The following KCTD4 variants were observed in gnomAD, a reference collection of about 807,000 sequenced individuals.
The protein encoded by KCTD4 is potassium channel tetramerization domain containing 4.
A neutral mutation model predicts 18.3 loss-of-function variants in KCTD4; 12 were observed. The ratio of observed to expected loss-of-function variants is 0.66; its 90% CI spans 0.42 to 1.06. The LOEUF is 1.06. Ranked by LOEUF, KCTD4 falls within the 50% of genes least tolerant of loss-of-function variation. The pLI, the probability that KCTD4 is intolerant of heterozygous loss-of-function variation, is 0.00. For synonymous variants in KCTD4, 124 were observed against 110.5 expected (o/e 1.12, Z -0.76); for missense variants, 250 against 303.4 (o/e 0.82, Z 1.31).
rs1256778698 is a variant in KCTD4 at position 45,193,909 on chromosome 13, A to C, written c.659T>G (p.Leu220Trp). The C allele has an allele frequency of 1.2e-6, 2 of 1,614,178 alleles. No individual in the cohort carries two copies. Among genetic ancestry groups the C allele is most frequent in the Admixed American group, 3.3e-5 (2 of 60,016 alleles). The change falls in exon 2 of 2, where the codon TTG (leucine) becomes TGG (tryptophan). Residue 220 changes from leucine (L) to tryptophan (W), a missense_variant. Transcript: ENST00000379108. The stretch of plus-strand genomic sequence containing the variant: ...GATAGCCTCAAACTTAAGAGTTTCC[A>C]AGGTACAGACAAAGGTGTTGTCTTC... Reference protein sequence around the residue: ...LKEDNTFVCTLETLKFEAIMM... With the variant: ...LKEDNTFVCTWETLKFEAIMM...
chr13:45,197,720 G>A (rs1029897745), intron 1 of KCTD4, among the ~76,000 whole-genome samples: 5 of 152,088 alleles, frequency 3.3e-5, no homozygotes, highest in Non-Finnish European at 7.4e-5. Context: ...AGGGGGTGGC[G>A]AGTGGGTGTT....
intron 1 of KCTD4, among the ~76,000 whole-genome samples, chr13:45,200,190 A>C (rs1210062992): frequency 1.3e-5 from 2 of 152,206 alleles, no homozygotes; most frequent in Non-Finnish European, 2.9e-5. Flanking sequence ...TTCCCTCCGT[A>C]TCACAAGAAA....
chr13:45,194,292 G>A lies in KCTD4; in HGVS notation c.276C>T (p.Phe92=), dbSNP rs1387678902. ...DGLLFRHVLN[F]LRNGELLLPE... ...GCAATAGAAGTTCTCCATTTCGTAG[G>A]AAGTTTAGGACATGCCTGAAGAGGA... is the stretch of plus-strand genomic sequence containing the variant. Residue 92 remains phenylalanine (F), a synonymous_variant, in exon 2 of 2, where the codon TTC becomes TTT. Transcript: ENST00000379108. 1 of 1,614,012 alleles carries A rather than the reference G, an allele frequency of 6.2e-7. No homozygotes were observed. The highest frequency in any genetic ancestry group is 1.3e-5 in the African/African-American group (1 of 74,926).
chr13:45,199,347 G>A (rs1204838422), intron 1 of KCTD4, among the ~76,000 whole-genome samples: 1 of 152,176 alleles, frequency 6.6e-6, no homozygotes, highest in Admixed American at 6.5e-5. Context: ...CAGAAGTTCA[G>A]GTGAAATTCC....
chr13:45,195,948 G>T (rs181880050), intron 1 of KCTD4, among the ~76,000 whole-genome samples: 2 of 152,230 alleles, frequency 1.3e-5, no homozygotes, highest in African/African-American at 4.8e-5. Flanking sequence ...GAGCTACTGC[G>T]CTGGGCCACA....
chr13:45,194,221 A>T lies in KCTD4; in HGVS notation c.347T>A (p.Phe116Tyr). ...ENQLLAQEAE[F>Y]FQLKGLAEEV... ...CTCTGCCAGTCCCTTGAGCTGAAAGAATTCTGCTTCTTGTGCAAGAAGTTG... is the reference window on the plus strand; with the variant it reads ...CTCTGCCAGTCCCTTGAGCTGAAAGTATTCTGCTTCTTGTGCAAGAAGTTG... The change falls in exon 2 of 2, where the codon TTC (phenylalanine) becomes TAC (tyrosine). Residue 116 changes from phenylalanine (F) to tyrosine (Y), a missense_variant. Transcript: ENST00000379108. The T allele has an allele frequency of 6.2e-7, 1 of 1,614,106 alleles. No homozygotes were observed. Among genetic ancestry groups the T allele is most frequent in the Non-Finnish European group, 8.5e-7 (1 of 1,180,002 alleles).
chr13:45,197,267 C>T (rs375445744), intron 1 of KCTD4, among the ~76,000 whole-genome samples: 56 of 150,534 alleles, frequency 3.7e-4, no homozygotes, highest in African/African-American at 1.2e-3. Context: ...GAGGCTGAGG[C>T]GGGCAGGTCA....
chr13:45,194,301 G>C lies in KCTD4; in HGVS notation c.267C>G (p.Val89=). 6.2e-7 allele frequency: 1 copy of C among 1,614,118 alleles called. No homozygotes were observed. ...IDRDGLLFRH[V]LNFLRNGELL... ...GTTCTCCATTTCGTAGGAAGTTTAG[G>C]ACATGCCTGAAGAGGAGACCATCCC... The change falls in exon 2 of 2, where the codon GTC becomes GTG. Residue 89 remains valine (V), a synonymous_variant. Coordinates refer to ENST00000379108, the MANE Select transcript of KCTD4 (RefSeq NM_198404.3).
intron 1 of KCTD4, among the ~76,000 whole-genome samples, chr13:45,200,394 C>T (rs1415738438): frequency 1.3e-5 from 2 of 150,726 alleles, no homozygotes; most frequent in Non-Finnish European, 3.0e-5. Flanking sequence ...ACCTCAACCT[C>T]CTGGGCTCAG....
At chr13:45,199,737 AG>A (rs1040595070) in intron 1 of KCTD4, among the ~76,000 whole-genome samples, 10 of 152,236 alleles carry the variant, frequency 6.6e-5, no homozygotes, top group African/African-American at 2.4e-4. Flanking sequence ...CTCAAAATGA[AG>A]GGCATAACTT....
In KCTD4 at chr13:45,193,532, C is replaced by T. The variant is rs1872737062; in HGVS notation, c.*256G>A. On this transcript the variant is annotated 3_prime_UTR_variant, in exon 2 of 2. Transcript: ENST00000379108. ...CTTAAGGACAAATAAATAGCAAAAG[C>T]TTTCAGTCTTTATTTACAGTATATA... 1 of 364,734 alleles carries T rather than the reference C, an allele frequency of 2.7e-6. No individual in the cohort carries two copies. The highest frequency in any genetic ancestry group is 4.9e-6 in the Non-Finnish European group (1 of 203,620). The allele number at this position is 364,734 out of a possible 1,614,324, so 22.6% of individuals were successfully genotyped here. A position where few individuals can be genotyped will look rare whatever the true frequency, so the allele number is the denominator to read the frequency against.
rs1024498772 is a variant in KCTD4 at position 45,193,505 on chromosome 13, A to T, written c.*283T>A. Reference sequence around the variant, plus strand: ...CCCAAGACAATCTGAATTGAAAGACAGCTTAAGGACAAATAAATAGCAAAA... The same window carrying T: ...CCCAAGACAATCTGAATTGAAAGACTGCTTAAGGACAAATAAATAGCAAAA... On this transcript the variant is annotated 3_prime_UTR_variant, in exon 2 of 2. Coordinates refer to ENST00000379108, the MANE Select transcript of KCTD4 (RefSeq NM_198404.3). 6 of 301,662 alleles carry T rather than the reference A, an allele frequency of 2.0e-5. No homozygotes were observed. The South Asian group carries it at 6.7e-4, about 34-fold the overall frequency. The allele number at this position is 301,662 out of a possible 1,614,324, so 18.7% of individuals were successfully genotyped here.
At chr13:45,198,359 A>C (rs1031445526) in intron 1 of KCTD4, among the ~76,000 whole-genome samples, 2 of 152,222 alleles carry the variant, frequency 1.3e-5, no homozygotes, top group African/African-American at 4.8e-5. Flanking sequence ...ATGCCATGGA[A>C]GGAAGTGAAA....
At position 45,194,278 on chromosome 13, in the gene KCTD4, TC is replaced by T; in HGVS notation, c.289del (p.Glu97AsnfsTer30). 1 of 1,614,156 alleles carries T rather than the reference TC, an allele frequency of 6.2e-7. No individual in the cohort carries two copies. The highest frequency in any genetic ancestry group is 2.2e-5 in the East Asian group (1 of 44,870). On this transcript the variant is annotated frameshift_variant, in exon 2 of 2. Transcript: ENST00000379108. LOFTEE classifies it high-confidence loss of function. ...RHVLNFLRNG[E>X]LLLPEGFREN... is the part of the protein sequence containing the mutation. ...TCGAAACCCTTCGGGCAATAGAAGT[TC>T]TCCATTTCGTAGGAAGTTTAGGACA... is the stretch of plus-strand genomic sequence containing the variant.
intron 1 of KCTD4, among the ~76,000 whole-genome samples, chr13:45,196,501 C>T (rs1872898183): frequency 6.6e-6 from 1 of 152,168 alleles, no homozygotes; most frequent in Non-Finnish European, 1.5e-5. Context: ...TCTGGAAGTA[C>T]ATTCATGGAA....
Position 45,200,854 on chromosome 13 carries a change from T to A in KCTD4, c.-218A>T, listed in dbSNP as rs1873147678. On this transcript the variant is annotated 5_prime_UTR_variant, in exon 1 of 2. It adds an upstream start codon to the 5' untranslated region. Coordinates refer to ENST00000379108, the MANE Select transcript of KCTD4 (RefSeq NM_198404.3). ...TCTTGAAAAGATTATTTCTTCAGTCTTTTCCCAGAGAGTGTCGACACAGGT... is the reference window on the plus strand; with the variant it reads ...TCTTGAAAAGATTATTTCTTCAGTCATTTCCCAGAGAGTGTCGACACAGGT... Among the ~76,000 whole-genome samples, 1 of 152,090 alleles carries A rather than the reference T, an allele frequency of 6.6e-6. No individual in the cohort carries two copies. Among genetic ancestry groups the A allele is most frequent in the African/African-American group, 2.4e-5 (1 of 41,454 alleles).
chr13:45,193,974 G>C lies in KCTD4; in HGVS notation c.594C>G (p.Tyr198Ter). 6.2e-7 allele frequency: 1 copy of C among 1,614,044 alleles called. No individual in the cohort carries two copies. The highest frequency in any genetic ancestry group is 8.5e-7 in the Non-Finnish European group (1 of 1,179,940). The part of the protein sequence containing the change: ...SISSNIIQFK[Y>*]FIKSENGTRL... The stretch of plus-strand genomic sequence containing the variant: ...GAGTGCCATTTTCAGACTTTATGAA[G>C]TATTTAAATTGGATGATATTTGACG... Residue 198 changes from tyrosine (Y) to a stop codon, truncating the protein, a stop_gained, in exon 2 of 2, where the codon TAC becomes TAG. Coordinates refer to ENST00000379108, the MANE Select transcript of KCTD4 (RefSeq NM_198404.3). LOFTEE classifies it high-confidence loss of function.
Position 45,194,025 on chromosome 13 carries a change from A to G in KCTD4, c.543T>C (p.Asp181=). Residue 181 remains aspartate, a synonymous_variant, in exon 2 of 2, where the codon GAT becomes GAC. Transcript: ENST00000379108. ...RIVLVSKSRL[D]GFPEEFSISS... is the part of the protein sequence containing the mutation. ...ATATTGAAAACTCCTCTGGAAATCCATCCAGCCTGCTTTTGGACACCAGAA... is the reference window on the plus strand; with the variant it reads ...ATATTGAAAACTCCTCTGGAAATCCGTCCAGCCTGCTTTTGGACACCAGAA... 1 of 1,614,124 alleles carries G rather than the reference A, an allele frequency of 6.2e-7. No homozygotes were observed. Among genetic ancestry groups the G allele is most frequent in the South Asian group, 1.1e-5 (1 of 91,084 alleles).
chr13:45,196,262 A>G (rs1593484880), intron 1 of KCTD4, among the ~76,000 whole-genome samples: 1 of 152,242 alleles, frequency 6.6e-6, no homozygotes, highest in Non-Finnish European at 1.5e-5. Context: ...TCATTTCACC[A>G]AAGATAACAT....
Sources: allele counts gnomAD v4.1 joint callset (sites outside exome capture counted in the v4.1 genomes callset), GRCh38; gene constraint gnomAD v4.1.1; transcripts MANE v1.5; gene names NCBI Gene and HGNC (gene_info 2026-07-23, HGNC 2026-07-21).